GSDMC: variants seen among roughly 807,000 people sequenced by gnomAD.
GSDMC encodes the protein gasdermin C, also known as gasdermin-C.
In GSDMC, 59 loss-of-function variants were observed where a neutral mutation model predicts 58.0. The observed-to-expected ratio is 1.02, with a 90% CI of 0.82 to 1.26. The LOEUF is 1.26. Among genes scored for constraint, GSDMC ranks in the 50% most tolerant of loss-of-function variants. The pLI, the probability that GSDMC is intolerant of heterozygous loss-of-function variation, is 0.00. For synonymous variants in GSDMC, 241 were observed against 220.2 expected (o/e 1.09, Z -0.83); for missense variants, 659 against 598.5 (o/e 1.10, Z -1.06).
chr8:129,774,752 G>A (rs60746191), intron 3 of GSDMC, among the ~76,000 whole-genome samples: 30,564 of 151,876 alleles, frequency 0.2, 3,129 homozygotes, highest in African/African-American at 0.23. Context: ...TCTTGATTTA[G>A]AAAATGGGCA....
Position 129,762,700 on chromosome 8 carries a change from T to C in GSDMC, c.602A>G (p.Lys201Arg), listed in dbSNP as rs2033714269. Residue 201 changes from lysine to arginine, a missense_variant, in exon 5 of 14, where the codon AAG (lysine) becomes AGG (arginine). By Grantham distance (26) the Lys-to-Arg change is conservative. Coordinates refer to ENST00000276708, the MANE Select transcript of GSDMC (RefSeq NM_031415.3). Reference protein sequence around the residue: ...GQGQGESLRVKKKALTLQKGM... With the variant: ...GQGQGESLRVRKKALTLQKGM... Reference sequence around the variant, plus strand: ...TTTCTGAAGAGTCAGCGCCTTCTTCTTCACTCTGAGACTCTCTCCTTGGCC... The same window carrying C: ...TTTCTGAAGAGTCAGCGCCTTCTTCCTCACTCTGAGACTCTCTCCTTGGCC... The C allele has an allele frequency of 6.2e-7, 1 of 1,613,712 alleles. No homozygotes were observed. Among genetic ancestry groups the C allele is most frequent in the South Asian group, 1.1e-5 (1 of 91,070 alleles).
chr8:129,774,205 A>G (rs12544672), intron 3 of GSDMC, among the ~76,000 whole-genome samples: 24,024 of 152,164 alleles, frequency 0.16, 2,208 homozygotes, highest in East Asian at 0.31. Context: ...AAACAGACAT[A>G]TAAACTAGTG....
the GSDMC span, among the ~76,000 whole-genome samples, chr8:129,738,250 A>T: frequency 2.6e-5 from 4 of 152,222 alleles, no homozygotes; most frequent in African/African-American, 4.8e-5. Context: ...ATTGTGGAAG[A>T]CAGTGTGGCG....
chr8:129,785,515 G>A (rs1411125161), intron 1 of GSDMC, among the ~76,000 whole-genome samples: 1 of 151,402 alleles, frequency 6.6e-6, no homozygotes, highest in African/African-American at 2.4e-5. Context: ...GGTGACTATA[G>A]TCAATAATTG....
chr8:129,761,106 T>C (rs1378009436), intron 5 of GSDMC, among the ~76,000 whole-genome samples: 1 of 152,210 alleles, frequency 6.6e-6, no homozygotes, highest in Non-Finnish European at 1.5e-5. Context: ...CAAGTCATGT[T>C]CTGACTACTA....
the GSDMC span, among the ~76,000 whole-genome samples, chr8:129,709,572 AGAT>A: frequency 5.9e-4 from 89 of 151,146 alleles, no homozygotes; most frequent in African/African-American, 2.0e-3. Flanking sequence ...GGTAGATGAT[AGAT>A]GATAGATAGA....
At position 129,748,368 on chromosome 8, in the gene GSDMC, C is replaced by G; in HGVS notation, c.*133G>C. ...CACCCCAAAACATTTCCTAAAGTCT[C>G]TACCCATTACTGTCTCTACTCCACC... On this transcript the variant is annotated 3_prime_UTR_variant, in exon 14 of 14. Coordinates refer to ENST00000276708, the MANE Select transcript of GSDMC (RefSeq NM_031415.3). The G allele has an allele frequency of 2.5e-6, 2 of 787,442 alleles. No homozygotes were observed. Among genetic ancestry groups the G allele is most frequent in the Non-Finnish European group, 3.9e-6 (2 of 513,132 alleles). 48.8% of individuals were successfully genotyped at this position (787,442 alleles called of 1,614,324 possible). A position where few individuals can be genotyped will look rare whatever the true frequency, so the allele number is the denominator to read the frequency against.
At chr8:129,753,767 C>A (rs1198282897) in intron 6 of GSDMC, among the ~76,000 whole-genome samples, 2 of 152,148 alleles carry the variant, frequency 1.3e-5, no homozygotes, top group Non-Finnish European at 2.9e-5. Flanking sequence ...GGAGAGCCCA[C>A]TTCCCTAAAG....
At chr8:129,723,788 T>TTAAA in the GSDMC span, among the ~76,000 whole-genome samples, 1 of 152,304 alleles carries the variant, frequency 6.6e-6, no homozygotes, top group East Asian at 1.9e-4. Flanking sequence ...CCTACCTTGG[T>TTAAA]TAAATGGTTT....
the GSDMC span, among the ~76,000 whole-genome samples, chr8:129,709,068 C>A: frequency 6.6e-6 from 1 of 152,166 alleles, no homozygotes; most frequent in Non-Finnish European, 1.5e-5. Flanking sequence ...TATATTCTAT[C>A]TCCCTGTTCA....
At chr8:129,772,076 A>G (rs2034072756) in intron 3 of GSDMC, among the ~76,000 whole-genome samples, 1 of 152,114 alleles carries the variant, frequency 6.6e-6, no homozygotes, top group South Asian at 2.1e-4. Context: ...CATCCTGGCT[A>G]ACACGGTGAA....
rs200366032 is a variant in GSDMC, at chr8:129,749,708, GA to G, written c.1214-184del. Among the ~76,000 whole-genome samples the G allele has an allele frequency of 5.3e-3, 811 of 152,328 alleles. 9 individuals carry two copies. The highest frequency in any genetic ancestry group is 0.019 in the African/African-American group (771 of 41,568). ...GAATGGTCTCCAGGATGCTAAATAA[GA>G]GGGACCAGAGGACGGGATTCAGGGG... On this transcript the variant is annotated intron_variant, in intron 12 of 13. Transcript: ENST00000276708.
chr8:129,755,302 G>T (rs1320613001), intron 6 of GSDMC, among the ~76,000 whole-genome samples: 2 of 152,144 alleles, frequency 1.3e-5, no homozygotes, highest in Non-Finnish European at 2.9e-5. Flanking sequence ...GGCCAGGAGA[G>T]AATGGCATGA....
the GSDMC span, among the ~76,000 whole-genome samples, chr8:129,730,697 A>G: frequency 6.6e-6 from 1 of 152,212 alleles, no homozygotes; most frequent in Non-Finnish European, 1.5e-5. Context: ...TCAAAAATAC[A>G]TATAACATTA....
At chr8:129,715,081 G>C in the GSDMC span, among the ~76,000 whole-genome samples, 1 of 152,090 alleles carries the variant, frequency 6.6e-6, no homozygotes, top group East Asian at 1.9e-4. Context: ...TGAACATTTA[G>C]GTGTGTATAT....
chr8:129,721,285 C>A, the GSDMC span, among the ~76,000 whole-genome samples: 1 of 152,116 alleles, frequency 6.6e-6, no homozygotes. Context: ...CAATAGCAAC[C>A]CAACATGTCT....
At chr8:129,763,112 A>C (rs927642901) in intron 4 of GSDMC, among the ~76,000 whole-genome samples, 2 of 151,728 alleles carry the variant, frequency 1.3e-5, no homozygotes, top group Non-Finnish European at 2.9e-5. Context: ...GCTTTTCCCC[A>C]CTCCCGATCT....
At chr8:129,761,654 A>G (rs7824755) in intron 5 of GSDMC, among the ~76,000 whole-genome samples, 1,703 of 152,260 alleles carry the variant, frequency 0.011, 31 homozygotes, top group African/African-American at 0.039. Flanking sequence ...ATCATTCACC[A>G]TGACCTTTGA....
At chr8:129,726,409 G>C in the GSDMC span, among the ~76,000 whole-genome samples, 1 of 152,254 alleles carries the variant, frequency 6.6e-6, no homozygotes, top group African/African-American at 2.4e-5. Context: ...TGAGAGAGAG[G>C]AGATGGCCTT....
Sources: gnomAD v4.1 joint callset for allele counts (sites outside exome capture counted in the v4.1 genomes callset) on GRCh38, gnomAD v4.1.1 for gene constraint, MANE v1.5 for transcripts, NCBI Gene and HGNC (gene_info 2026-07-23, HGNC 2026-07-21) for gene names.